Variants in SLC7A8 observed in about 807,000 individuals in gnomAD.
SLC7A8 encodes solute carrier family 7 member 8, also known as large neutral amino acids transporter small subunit 2.
In SLC7A8, 30 loss-of-function variants were observed where a neutral mutation model predicts 51.2. The ratio of observed to expected loss-of-function variants is 0.59; its 90% confidence interval spans 0.44 to 0.80. SLC7A8 has a LOEUF of 0.80. Ranked by LOEUF, SLC7A8 falls within the 30% of genes least tolerant of loss-of-function variation. The probability of loss-of-function intolerance (pLI) is 0.00; values close to 1 mark genes in which losing one functional copy is unlikely to be tolerated. For missense variants in SLC7A8, 612 were observed against 674.4 expected (o/e 0.91, Z 1.03); for synonymous variants, 257 against 275.8 (o/e 0.93, Z 0.67).
rs755036187 is a variant in SLC7A8, at chr14:23,137,905, C to A, written c.1016+16G>T. On this transcript the variant is annotated intron_variant, in intron 7 of 10. Transcript: ENST00000316902. ...AGAGTGGCCCCTGGCCGGGGAAGGG[C>A]CCAGGCAGCACTCACCGAGAGGAGG... The A allele has an allele frequency of 1.2e-6, 2 of 1,611,656 alleles. No homozygotes were observed. Among genetic ancestry groups the A allele is most frequent in the East Asian group, 4.5e-5 (2 of 44,824 alleles).
chr14:23,149,369 A>G (rs954626088), intron 3 of SLC7A8, among the ~76,000 whole-genome samples: 4 of 152,140 alleles, frequency 2.6e-5, no homozygotes, highest in Non-Finnish European at 5.9e-5. Flanking sequence ...ATTCCTTACA[A>G]CTTCAGGCCC....
intron 3 of SLC7A8, among the ~76,000 whole-genome samples, chr14:23,159,940 G>A (rs1386963574): frequency 1.3e-5 from 2 of 152,164 alleles, no homozygotes; most frequent in African/African-American, 4.8e-5. Flanking sequence ...TTCTCCTGAG[G>A]GTGAGGAAGG....
intron 7 of SLC7A8, 39 bp from the exon 8 acceptor site, chr14:23,131,596 G>A: frequency 1.3e-6 from 2 of 1,512,672 alleles, no homozygotes; most frequent in South Asian, 1.3e-5. Context: ...GGATAACCCA[G>A]GGACCACCAA....
At chr14:23,136,714 G>A (rs1237056417) in intron 7 of SLC7A8, among the ~76,000 whole-genome samples, 1 of 152,190 alleles carries the variant, frequency 6.6e-6, no homozygotes, top group Non-Finnish European at 1.5e-5. Flanking sequence ...CCACATGCAC[G>A]CAGACCGCTG....
chr14:23,131,690 C>G (rs762591260), intron 7 of SLC7A8, 133 bp from the exon 8 acceptor site: 5 of 589,372 alleles, frequency 8.5e-6, no homozygotes, highest in Non-Finnish European at 1.2e-5. Flanking sequence ...CACATGCATA[C>G]TTTCCACCCC....
At chr14:23,158,561 G>C (rs1659837948) in intron 3 of SLC7A8, among the ~76,000 whole-genome samples, 2 of 152,136 alleles carry the variant, frequency 1.3e-5, no homozygotes, top group African/African-American at 4.8e-5. Context: ...GGGCAGGCTG[G>C]TCTCGAACTC....
rs1594813858 is a variant in SLC7A8, at chr14:23,128,106, C to T, written c.1354G>A (p.Gly452Ser). ...LWSEPVVCGI[G>S]LAIMLTGVPV... The stretch of plus-strand genomic sequence containing the variant: ...ACTCCTGTCAGCATGATGGCCAGGC[C>T]AATGCCACACACCACCGGCTCTGAC... Residue 452 changes from glycine (G) to serine (S), a missense_variant, in exon 10 of 11, where the codon GGC becomes AGC. Gly to Ser is a moderately conservative substitution (Grantham distance 56). Coordinates refer to ENST00000316902, the MANE Select transcript of SLC7A8 (RefSeq NM_012244.4). The surrounding 1 kb of genome is among the most constrained non-coding windows in gnomAD (Gnocchi z 4.3). 1 of 1,614,188 alleles carries T rather than the reference C, an allele frequency of 6.2e-7. No individual in the cohort carries two copies. The highest frequency in any genetic ancestry group is 8.5e-7 in the Non-Finnish European group (1 of 1,180,034).
intron 3 of SLC7A8, chr14:23,146,686 C>A (rs74036923): frequency 5.3e-5 from 8 of 152,220 alleles, no homozygotes; most frequent in South Asian, 2.1e-4. Flanking sequence ...AGGCAGGCTG[C>A]CTGTGACACC....
In SLC7A8 at chr14:23,161,925, T is replaced by TCAAAAAAAAAA. The variant is rs57814296; in HGVS notation, c.508+3359_508+3360insTTTTTTTTTTG. 4.7e-5 allele frequency among the ~76,000 whole-genome samples: 5 copies of TCAAAAAAAAAA among 107,176 alleles called. 2 individuals are homozygous for TCAAAAAAAAAA. Among genetic ancestry groups the TCAAAAAAAAAA allele is most frequent in the Non-Finnish European group, 9.2e-5 (5 of 54,506 alleles). 70.3% of individuals were successfully genotyped at this position (107,176 alleles called of 152,430 possible). On this transcript the variant is annotated intron_variant, in intron 3 of 10. Transcript: ENST00000316902. ...CTGGGTGACAGAGTGAGACTCCATCTAAAAAAAAAAAAAAAAAAAGCATCT... is the reference window on the plus strand; with the variant it reads ...CTGGGTGACAGAGTGAGACTCCATCTCAAAAAAAAAAAAAAAAAAAAAAAAAAAAAGCATCT...
At position 23,168,428 on chromosome 14, in the gene SLC7A8, A is replaced by G. The variant is rs563603942; in HGVS notation, c.152-1888T>C. Among the ~76,000 whole-genome samples, 12 of 152,354 alleles carry G rather than the reference A, an allele frequency of 7.9e-5. No individual in the cohort carries two copies. The South Asian group carries it at 2.5e-3, about 32-fold the overall frequency. On this transcript the variant is annotated intron_variant, in intron 1 of 10. Transcript: ENST00000316902. ...GCTGGGAAATGAGAGATCTAGAGAC[A>G]GGTTTGCTAATAGTGCTGAAAGATG... is the stretch of plus-strand genomic sequence containing the variant.
At chr14:23,164,851 G>A (rs1345960230) in intron 3 of SLC7A8, among the ~76,000 whole-genome samples, 2 of 152,064 alleles carry the variant, frequency 1.3e-5, no homozygotes, top group African/African-American at 4.8e-5. Context: ...AATTAGCCGG[G>A]CATGGTGGCT....
chr14:23,167,178 ACT>A (rs1044757329), intron 1 of SLC7A8, among the ~76,000 whole-genome samples: 1 of 152,106 alleles, frequency 6.6e-6, no homozygotes, highest in African/African-American at 2.4e-5. Context: ...ACATAAAATA[ACT>A]CTATAAAAAC....
rs1341665669 is a variant in SLC7A8, at chr14:23,154,493, C to T, written c.508+10792G>A. 1.4e-5 allele frequency: 14 copies of T among 983,954 alleles called. No individual in the cohort carries two copies. In the African/African-American group the frequency reaches 2.3e-4, roughly 16 times the overall value. 61.0% of individuals were successfully genotyped at this position (983,954 alleles called of 1,614,324 possible). A position where few individuals can be genotyped will look rare whatever the true frequency, so the allele number is the denominator to read the frequency against. On this transcript the variant is annotated intron_variant, in intron 3 of 10. Transcript: ENST00000316902. The stretch of plus-strand genomic sequence containing the variant: ...GCTGCACCGAGTTCCTTGGCCGCCT[C>T]CCCCGCTTGTGGAAGGAACTGAGCA...
intron 1 of SLC7A8, among the ~76,000 whole-genome samples, chr14:23,178,945 T>C (rs143123880): frequency 3.3e-5 from 5 of 150,658 alleles, no homozygotes; most frequent in African/African-American, 1.2e-4. Context: ...CTAGGCTGGC[T>C]TGAAACTCCT....
intron 1 of SLC7A8, among the ~76,000 whole-genome samples, chr14:23,180,869 CA>C (rs950021589): frequency 2.0e-5 from 3 of 151,774 alleles, no homozygotes; most frequent in African/African-American, 7.3e-5. Flanking sequence ...ACTAAAAATA[CA>C]AAAAAAATTA....
intron 3 of SLC7A8, 96 bp from the exon 4 acceptor site, chr14:23,143,300 T>C (rs2048762685): frequency 1.3e-6 from 2 of 1,536,936 alleles, no homozygotes; most frequent in East Asian, 2.3e-5. Context: ...ATCCTGACGA[T>C]GACATTGTAG....
rs74036917 is a variant in SLC7A8 at position 23,129,461 on chromosome 14, G to A, written c.1263+189C>T. 9.5e-3 allele frequency: 5,774 copies of A among 608,992 alleles called. 168 individuals carry two copies. The highest frequency in any genetic ancestry group is 0.074 in the East Asian group (2,576 of 34,678). The allele number at this position is 608,992 out of a possible 1,614,324, so 37.7% of individuals were successfully genotyped here. On this transcript the variant is annotated intron_variant, in intron 9 of 10. Coordinates refer to ENST00000316902, the MANE Select transcript of SLC7A8 (RefSeq NM_012244.4). ...TTATTCCCCAGCTGCAGTCTGCTCC[G>A]ATCTCATCCCCAGTGGAGAATGGAA...
rs141462462 is a variant in SLC7A8, at chr14:23,179,583, G to A, written c.151+3181C>T. ...CCAGCACTGATAGGCCGAGGTGGGAGGATTTCTTGAGCCCAGGAGTTGGAG... is the reference window on the plus strand; with the variant it reads ...CCAGCACTGATAGGCCGAGGTGGGAAGATTTCTTGAGCCCAGGAGTTGGAG... On this transcript the variant is annotated intron_variant, in intron 1 of 10. Transcript: ENST00000316902. 8.9e-4 allele frequency among the ~76,000 whole-genome samples: 136 copies of A among 152,082 alleles called. 1 individual carries two copies. In the East Asian group the frequency reaches 0.023, roughly 25 times the overall value.
At chr14:23,172,667 C>A (rs1468523582) in intron 1 of SLC7A8, among the ~76,000 whole-genome samples, 1 of 152,196 alleles carries the variant, frequency 6.6e-6, no homozygotes, top group Non-Finnish European at 1.5e-5. Context: ...ACTTGTCTAC[C>A]ACCTCAAGAA....
Sources: gnomAD v4.1 joint callset for allele counts (sites outside exome capture counted in the v4.1 genomes callset) on GRCh38, gnomAD v4.1.1 for gene constraint, Gnocchi (gnomAD v3.1) non-coding constraint, MANE v1.5 for transcripts, NCBI Gene and HGNC (gene_info 2026-07-23, HGNC 2026-07-21) for gene names.